Variants in PDHX observed in about 807,000 individuals in gnomAD.
PDHX encodes pyruvate dehydrogenase protein X component, mitochondrial.
PDHX carries 33 observed loss-of-function variants against 55.3 expected under a neutral mutation model. The observed-to-expected ratio is 0.60, with a 90% CI of 0.45 to 0.80. The LOEUF is 0.80. Among genes scored for constraint, PDHX ranks in the 30% least tolerant of loss-of-function variants. The pLI is 0.00. For synonymous variants in PDHX, 226 were observed against 219.4 expected, an observed-to-expected ratio of 1.03 and a Z score of -0.27; for missense variants, 622 against 619.9, an observed-to-expected ratio of 1.00 and a Z score of -0.04.
At chr11:34,956,095 T>C (rs1590749843) in intron 3 of PDHX, among the ~76,000 whole-genome samples, 1 of 152,154 alleles carries the variant, frequency 6.6e-6, no homozygotes, top group East Asian at 1.9e-4. Flanking sequence ...AAGCAAAATT[T>C]TTTAGTATGT....
chr11:34,942,528 A>G (rs1233525505), intron 2 of PDHX, among the ~76,000 whole-genome samples: 4 of 152,180 alleles, frequency 2.6e-5, no homozygotes, highest in Non-Finnish European at 5.9e-5. Flanking sequence ...TTGAATTAGG[A>G]GAGGTTCCTT....
chr11:34,987,229 G>A (rs2767043), intron 9 of PDHX, among the ~76,000 whole-genome samples: 98,186 of 151,902 alleles, frequency 0.65, 32,176 homozygotes, highest in East Asian at 0.75. Context: ...AAAGTTACCA[G>A]AAAGGAGGGT....
chr11:34,978,242 T>C, intron 8 of PDHX, 60 bp downstream of exon 8: 1 of 957,054 alleles, frequency 1.0e-6, no homozygotes, highest in Non-Finnish European at 1.7e-6. Context: ...GTGGAATTTT[T>C]ACAATGACAA....
At chr11:34,945,900 C>G (rs1463193109) in intron 2 of PDHX, among the ~76,000 whole-genome samples, 1 of 152,152 alleles carries the variant, frequency 6.6e-6, no homozygotes, top group African/African-American at 2.4e-5. Flanking sequence ...ATCCTAAATT[C>G]ATTCAAAACT....
chr11:34,916,496 A>G, upstream of PDHX: 2 of 1,444,992 alleles, frequency 1.4e-6, no homozygotes, highest in Non-Finnish European at 1.8e-6. Context: ...GGCAAGGCCA[A>G]CGTGGTTGGA....
chr11:34,983,306 C>T (rs914021633), intron 8 of PDHX, among the ~76,000 whole-genome samples: 3 of 152,174 alleles, frequency 2.0e-5, no homozygotes, highest in Non-Finnish European at 2.9e-5. Flanking sequence ...GACAAACCCA[C>T]AGCTGATATC....
At chr11:34,922,603 T>A (rs888602519) in intron 1 of PDHX, among the ~76,000 whole-genome samples, 32 of 152,108 alleles carry the variant, frequency 2.1e-4, no homozygotes, top group African/African-American at 6.0e-4. Context: ...TTGCTTTTTT[T>A]AAAAAAATGA....
intron 3 of PDHX, among the ~76,000 whole-genome samples, chr11:34,949,281 T>C (rs528542956): frequency 7.4e-6 from 1 of 134,660 alleles, no homozygotes; most frequent in East Asian, 2.0e-4. Context: ...GGAGTTTTGC[T>C]CTTGTTGCCC....
chr11:34,918,084 C>T (rs3763925), intron 1 of PDHX, among the ~76,000 whole-genome samples: 28,794 of 151,950 alleles, frequency 0.19, 3,891 homozygotes, highest in African/African-American at 0.39. Context: ...TCAAGCAGAT[C>T]CTTTTGAGAA....
At chr11:34,960,929 T>A (rs1237003373) in intron 5 of PDHX, among the ~76,000 whole-genome samples, 3 of 152,246 alleles carry the variant, frequency 2.0e-5, no homozygotes, top group African/African-American at 7.2e-5. Context: ...TAAAGCAATT[T>A]CCATATACAG....
intron 3 of PDHX, among the ~76,000 whole-genome samples, chr11:34,949,326 G>A (rs989058369): frequency 1.3e-5 from 2 of 152,002 alleles, no homozygotes; most frequent in Non-Finnish European, 2.9e-5. Context: ...CACAACCTCC[G>A]CCTCCTGGGT....
chr11:34,985,634 G>A (rs1202419928), intron 9 of PDHX, among the ~76,000 whole-genome samples: 1 of 152,170 alleles, frequency 6.6e-6, no homozygotes, highest in Non-Finnish European at 1.5e-5. Context: ...TTTGACAGAA[G>A]TATCACAAGT....
chr11:34,923,175 A>G (rs1191656591), intron 1 of PDHX, among the ~76,000 whole-genome samples: 1 of 135,148 alleles, frequency 7.4e-6, no homozygotes, highest in African/African-American at 2.8e-5. Flanking sequence ...GAATCAGCAG[A>G]TTCTATGAAC....
At chr11:34,984,440 A>G in intron 8 of PDHX, 130 bp from the exon 9 acceptor site, 2 of 755,504 alleles carry the variant, frequency 2.6e-6, no homozygotes, top group Non-Finnish European at 4.3e-6. Flanking sequence ...ATTTTTTCAA[A>G]CGAAATTTTT....
upstream of PDHX, chr11:34,916,090 G>C (rs1853676343): frequency 1.8e-6 from 2 of 1,136,626 alleles, no homozygotes; most frequent in Non-Finnish European, 2.4e-6. Flanking sequence ...CGGTGCGCCG[G>C]GGTAGCGAAC....
intron 5 of PDHX, among the ~76,000 whole-genome samples, chr11:34,962,151 T>C (rs992380414): frequency 6.6e-6 from 1 of 152,238 alleles, no homozygotes; most frequent in Admixed American, 6.5e-5. Context: ...AAATAATGAT[T>C]GCTGCACCTT....
At chr11:34,931,610 GT>G (rs1234399910) in intron 2 of PDHX, 126 bp downstream of exon 2, 11 of 649,076 alleles carry the variant, frequency 1.7e-5, no homozygotes, top group Admixed American at 2.6e-5. Context: ...TGTTCCTTTG[GT>G]AGTTAATGTA....
At chr11:34,922,864 TTGTGTGTGTG>T (rs60096111) in intron 1 of PDHX, among the ~76,000 whole-genome samples, 1,567 of 143,452 alleles carry the variant, frequency 0.011, 20 homozygotes, top group African/African-American at 0.038. Context: ...CAAAGTATCG[TTGTGTGTGTG>T]TGTGTGTGTG....
chr11:34,973,734 A>G (rs1337657442), intron 7 of PDHX, among the ~76,000 whole-genome samples: 1 of 152,110 alleles, frequency 6.6e-6, no homozygotes, highest in Non-Finnish European at 1.5e-5. Flanking sequence ...TTTTACTTCT[A>G]TATATGATGT....
Sources: allele counts gnomAD v4.1 joint callset (sites outside exome capture counted in the v4.1 genomes callset), GRCh38; gene constraint gnomAD v4.1.1; transcripts MANE v1.5; gene names NCBI Gene and HGNC (gene_info 2026-07-23, HGNC 2026-07-21).